SYT16: variants seen among roughly 807,000 people sequenced by gnomAD.
SYT16 encodes synaptotagmin 16.
A neutral mutation model predicts 61.4 loss-of-function variants in SYT16; 42 were observed. The observed-to-expected ratio is 0.68, with a 90% CI of 0.53 to 0.89. The LOEUF (loss-of-function observed/expected upper bound fraction) is 0.89, where lower values mean the gene tolerates loss of function less well. Among genes scored for constraint, SYT16 ranks in the 40% least tolerant of loss-of-function variants. The pLI is 0.00. For synonymous variants in SYT16, 314 were observed against 302.3 expected (o/e 1.04, Z -0.40); for missense variants, 804 against 807.3 (o/e 1.00, Z 0.05).
At chr14:62,098,562 G>A (rs1022946084) in intron 7 of SYT16, among the ~76,000 whole-genome samples, 23 of 152,286 alleles carry the variant, frequency 1.5e-4, no homozygotes, top group African/African-American at 5.3e-4. Context: ...TCTACGATGA[G>A]GAGGTTTAGC....
chr14:62,041,354 C>A (rs1360193867), intron 3 of SYT16, among the ~76,000 whole-genome samples: 1 of 152,172 alleles, frequency 6.6e-6, no homozygotes, highest in East Asian at 1.9e-4. Flanking sequence ...TTAGTGTTCA[C>A]TCTTTGTGTT....
intron 7 of SYT16, among the ~76,000 whole-genome samples, chr14:62,091,678 A>G (rs2057079882): frequency 6.6e-6 from 1 of 152,188 alleles, no homozygotes. Context: ...TTGGATCCTT[A>G]CCTAACACCA....
intron 2 of SYT16, among the ~76,000 whole-genome samples, chr14:61,977,533 C>T (rs1340910269): frequency 2.6e-5 from 4 of 152,120 alleles, no homozygotes; most frequent in Non-Finnish European, 4.4e-5. Context: ...CATCAGATCT[C>T]ATGATACTCA....
At chr14:61,894,993 A>G (rs1245005270) in intron 1 of SYT16, among the ~76,000 whole-genome samples, 2 of 152,122 alleles carry the variant, frequency 1.3e-5, no homozygotes, top group Non-Finnish European at 1.5e-5. Flanking sequence ...TCTGGGCCCA[A>G]TGACATTTGC....
chr14:61,963,421 G>C (rs935966049), intron 1 of SYT16, among the ~76,000 whole-genome samples: 1 of 152,184 alleles, frequency 6.6e-6, no homozygotes, highest in Non-Finnish European at 1.5e-5. Context: ...ATATGGAGAA[G>C]GTTTTAGTGG....
chr14:62,039,038 G>A (rs2054613516), intron 3 of SYT16, among the ~76,000 whole-genome samples: 2 of 152,162 alleles, frequency 1.3e-5, no homozygotes, highest in African/African-American at 2.4e-5. Flanking sequence ...GTGACAAATG[G>A]CAAGTCACAC....
At chr14:62,078,845 G>A (rs1432304222) in intron 5 of SYT16, among the ~76,000 whole-genome samples, 1 of 152,188 alleles carries the variant, frequency 6.6e-6, no homozygotes, top group South Asian at 2.1e-4. Context: ...GTGGGTAGAA[G>A]GTAAGACTTT....
At chr14:61,873,404 C>G (rs935562570) in intron 1 of SYT16, among the ~76,000 whole-genome samples, 1 of 152,186 alleles carries the variant, frequency 6.6e-6, no homozygotes, top group Non-Finnish European at 1.5e-5. Context: ...CTCGCTTCTC[C>G]TTAACAAACC....
chr14:61,914,439 C>G (rs2049043836), intron 1 of SYT16, among the ~76,000 whole-genome samples: 2 of 152,150 alleles, frequency 1.3e-5, no homozygotes. Flanking sequence ...CCAGTGTTGA[C>G]CTGAAATCCA....
intron 5 of SYT16, among the ~76,000 whole-genome samples, chr14:62,079,108 A>G (rs538070541): frequency 3.9e-5 from 6 of 152,328 alleles, no homozygotes; most frequent in Admixed American, 2.6e-4. Flanking sequence ...GGAAGAGACA[A>G]GGGAGTTTGA....
intron 1 of SYT16, among the ~76,000 whole-genome samples, chr14:61,958,877 A>G (rs974632965): frequency 1.3e-5 from 2 of 151,888 alleles, no homozygotes; most frequent in African/African-American, 4.8e-5. Context: ...TTGCATTGCT[A>G]CCTATTTTTC....
At chr14:61,937,919 A>C (rs1031694348) in intron 1 of SYT16, among the ~76,000 whole-genome samples, 4 of 152,058 alleles carry the variant, frequency 2.6e-5, no homozygotes, top group African/African-American at 9.7e-5. Flanking sequence ...ATAAGGGTCA[A>C]AATGGCATAT....
intron 1 of SYT16, among the ~76,000 whole-genome samples, chr14:61,945,855 C>CAAA (rs60917584): frequency 6.0e-4 from 39 of 64,510 alleles, no homozygotes; most frequent in Non-Finnish European, 8.4e-4. Context: ...GACTCCGTCT[C>CAAA]AAAAAAAAAA....
At chr14:62,084,633 A>G (rs546308479) in intron 7 of SYT16, among the ~76,000 whole-genome samples, 2 of 152,356 alleles carry the variant, frequency 1.3e-5, no homozygotes, top group African/African-American at 4.8e-5. Context: ...AAGGAAAAGA[A>G]TGAACAGCAT....
intron 3 of SYT16, among the ~76,000 whole-genome samples, chr14:62,006,436 ATGT>A (rs2053228984): frequency 6.6e-6 from 1 of 152,150 alleles, no homozygotes; most frequent in Admixed American, 6.6e-5. Flanking sequence ...TCTTTTCATA[ATGT>A]TGTATCTTGA....
intron 3 of SYT16, among the ~76,000 whole-genome samples, chr14:62,047,404 A>G (rs1489050865): frequency 6.6e-6 from 1 of 152,168 alleles, no homozygotes; most frequent in Non-Finnish European, 1.5e-5. Context: ...TAGATATACA[A>G]TCATGTCATC....
intron 1 of SYT16, among the ~76,000 whole-genome samples, chr14:61,906,450 A>G (rs949567356): frequency 2.0e-5 from 3 of 152,108 alleles, no homozygotes; most frequent in African/African-American, 7.2e-5. Flanking sequence ...TGTTTGTAGC[A>G]TATTGGCTAA....
At chr14:62,088,142 A>G (rs1467919366) in intron 7 of SYT16, among the ~76,000 whole-genome samples, 1 of 152,218 alleles carries the variant, frequency 6.6e-6, no homozygotes, top group Non-Finnish European at 1.5e-5. Context: ...AAAAAGAAAA[A>G]AAGACCCATG....
chr14:62,004,836 G>A (rs1280327573), intron 3 of SYT16, among the ~76,000 whole-genome samples: 1 of 152,186 alleles, frequency 6.6e-6, no homozygotes, highest in Non-Finnish European at 1.5e-5. Flanking sequence ...ATCTCCTCAT[G>A]TGGTTTCCAC....
Sources: gnomAD v4.1 joint callset for allele counts (sites outside exome capture counted in the v4.1 genomes callset) on GRCh38, gnomAD v4.1.1 for gene constraint, MANE v1.5 for transcripts, NCBI Gene and HGNC (gene_info 2026-07-23, HGNC 2026-07-21) for gene names.